Variants in CPA6 observed in about 807,000 individuals in gnomAD.
The protein encoded by CPA6 is carboxypeptidase A6, also known as carboxypeptidase B.
In CPA6, 58 loss-of-function variants were observed where a neutral mutation model predicts 63.3. That is an observed-to-expected ratio of 0.92 (90% CI 0.74 to 1.14). The LOEUF (loss-of-function observed/expected upper bound fraction) is 1.14, where lower values mean the gene tolerates loss of function less well. Ranked by LOEUF, CPA6 falls within the 50% of genes most tolerant of loss-of-function variation. CPA6 has a pLI of 0.00. For synonymous variants in CPA6, 185 were observed against 179.0 expected (o/e 1.03, Z -0.27); for missense variants, 565 against 526.6 (o/e 1.07, Z -0.71).
intron 6 of CPA6, among the ~76,000 whole-genome samples, chr8:67,505,515 C>CT (rs200756201): frequency 8.6e-5 from 13 of 151,260 alleles, no homozygotes; most frequent in South Asian, 2.1e-4. Flanking sequence ...TTAACTATTT[C>CT]TTTTTTTTTA....
chr8:67,552,456 C>T (rs1196991724), intron 2 of CPA6, among the ~76,000 whole-genome samples: 8 of 152,088 alleles, frequency 5.3e-5, no homozygotes, highest in African/African-American at 1.9e-4. Context: ...ATGTGAAACA[C>T]ATCTTAGTAC....
At chr8:67,460,397 C>G (rs1023770759) in intron 8 of CPA6, among the ~76,000 whole-genome samples, 2 of 152,136 alleles carry the variant, frequency 1.3e-5, no homozygotes, top group Admixed American at 1.3e-4. Flanking sequence ...AACAATGATG[C>G]TGTTTTCTAC....
intron 1 of CPA6, among the ~76,000 whole-genome samples, chr8:67,702,400 T>C (rs980942829): frequency 2.6e-5 from 4 of 151,468 alleles, no homozygotes; most frequent in African/African-American, 9.8e-5. Context: ...TAGGCAGACA[T>C]GAGCAGTGCA....
At chr8:67,565,775 G>C (rs1187519924) in intron 2 of CPA6, among the ~76,000 whole-genome samples, 1 of 152,134 alleles carries the variant, frequency 6.6e-6, no homozygotes, top group Non-Finnish European at 1.5e-5. Context: ...TATTTGTAAT[G>C]TCAGTTTGTC....
In CPA6 at chr8:67,746,198, C is replaced by G. The variant is rs1313913359; in HGVS notation, c.-69G>C. ...CGAGGCTGGAGGTGGCTCACAGCAC[C>G]CTCTACACACCGCACAGGTTCTCCG... On this transcript the variant is annotated 5_prime_UTR_variant, in exon 1 of 11. Transcript: ENST00000297770. 5.6e-6 allele frequency: 6 copies of G among 1,071,718 alleles called. No homozygotes were observed. The highest frequency in any genetic ancestry group is 4.6e-4 in the Middle Eastern group (2 of 4,334). The allele number at this position is 1,071,718 out of a possible 1,614,324, so 66.4% of individuals were successfully genotyped here.
intron 6 of CPA6, among the ~76,000 whole-genome samples, chr8:67,493,482 C>G (rs1310700159): frequency 6.6e-6 from 1 of 152,152 alleles, no homozygotes; most frequent in African/African-American, 2.4e-5. Context: ...AGAAAACCCA[C>G]CATAGCCCTC....
At chr8:67,431,849 G>T (rs1451446212) in intron 9 of CPA6, among the ~76,000 whole-genome samples, 1 of 152,090 alleles carries the variant, frequency 6.6e-6, no homozygotes, top group Non-Finnish European at 1.5e-5. Context: ...CAGAATAAAA[G>T]TCTTCCCCAG....
chr8:67,741,851 T>G (rs1017752557), intron 1 of CPA6, among the ~76,000 whole-genome samples: 2 of 151,830 alleles, frequency 1.3e-5, no homozygotes, highest in Non-Finnish European at 2.9e-5. Flanking sequence ...GCACAATAAA[T>G]GTAATGCACT....
intron 8 of CPA6, among the ~76,000 whole-genome samples, chr8:67,454,295 ATACTG>A (rs1810622284): frequency 6.6e-6 from 1 of 152,208 alleles, no homozygotes; most frequent in African/African-American, 2.4e-5. Context: ...CAGCTCACAA[ATACTG>A]TTGAATACCA....
intron 1 of CPA6, among the ~76,000 whole-genome samples, chr8:67,729,941 A>G (rs1422390189): frequency 6.6e-6 from 1 of 152,220 alleles, no homozygotes; most frequent in African/African-American, 2.4e-5. Flanking sequence ...TTTTGAAACC[A>G]GTGGATGTGA....
intron 1 of CPA6, among the ~76,000 whole-genome samples, chr8:67,626,638 T>C (rs910673946): frequency 6.6e-6 from 1 of 152,236 alleles, no homozygotes; most frequent in Non-Finnish European, 1.5e-5. Context: ...TCTTTTCTGA[T>C]ATACATTTCT....
chr8:67,428,960 T>C (rs1809957597), intron 9 of CPA6, among the ~76,000 whole-genome samples: 1 of 152,212 alleles, frequency 6.6e-6, no homozygotes, highest in African/African-American at 2.4e-5. Context: ...GATAATTACA[T>C]TGATTCTTAA....
At chr8:67,437,783 A>ATGAC (rs949394069) in intron 8 of CPA6, among the ~76,000 whole-genome samples, 7 of 152,212 alleles carry the variant, frequency 4.6e-5, no homozygotes, top group Non-Finnish European at 1.0e-4. Flanking sequence ...AATAGGAAAA[A>ATGAC]TGACAGAAAA....
chr8:67,643,353 C>T (rs748786062), intron 1 of CPA6, among the ~76,000 whole-genome samples: 3 of 152,066 alleles, frequency 2.0e-5, no homozygotes, highest in Non-Finnish European at 4.4e-5. Flanking sequence ...TAAACTGTAC[C>T]TCTCCAAAAA....
At chr8:67,655,592 G>C (rs1385977262) in intron 1 of CPA6, among the ~76,000 whole-genome samples, 1 of 152,100 alleles carries the variant, frequency 6.6e-6, no homozygotes, top group Non-Finnish European at 1.5e-5. Flanking sequence ...GCATTAATCA[G>C]TATCTGTGGA....
intron 2 of CPA6, among the ~76,000 whole-genome samples, chr8:67,602,769 A>G (rs1814529199): frequency 6.6e-6 from 1 of 152,216 alleles, no homozygotes; most frequent in African/African-American, 2.4e-5. Context: ...TTATAGCTTC[A>G]TTTCTGCTGC....
intron 2 of CPA6, among the ~76,000 whole-genome samples, chr8:67,521,507 G>A (rs1368681434): frequency 6.6e-6 from 1 of 152,248 alleles, no homozygotes; most frequent in African/African-American, 2.4e-5. Context: ...GGGTCACATA[G>A]TAGGAGCTCA....
rs188334231 is a variant in CPA6 at position 67,746,237 on chromosome 8, C to T, written c.-108G>A. The T allele has an allele frequency of 2.5e-4, 173 of 686,706 alleles. No homozygotes were observed. Among genetic ancestry groups the T allele is most frequent in the East Asian group, 4.3e-4 (15 of 34,688 alleles). The allele number at this position is 686,706 out of a possible 1,614,324, so 42.5% of individuals were successfully genotyped here. A position where few individuals can be genotyped will look rare whatever the true frequency, so the allele number is the denominator to read the frequency against. ...ACAGGTTCTCCGGGAAGGGGGTGGG[C>T]GAGGAAGGTTGAGAGTGAGCAAAAT... On this transcript the variant is annotated 5_prime_UTR_variant, in exon 1 of 11. Coordinates refer to ENST00000297770, the MANE Select transcript of CPA6 (RefSeq NM_020361.5).
chr8:67,733,446 C>T (rs1395458392), intron 1 of CPA6, among the ~76,000 whole-genome samples: 1 of 152,006 alleles, frequency 6.6e-6, no homozygotes, highest in Non-Finnish European at 1.5e-5. Context: ...AAGTTTCTAC[C>T]CTCAGAGCTT....
Sources: allele counts gnomAD v4.1 joint callset (sites outside exome capture counted in the v4.1 genomes callset), GRCh38; gene constraint gnomAD v4.1.1; transcripts MANE v1.5; gene names NCBI Gene and HGNC (gene_info 2026-07-23, HGNC 2026-07-21).